The following SSH2 variants were observed in gnomAD, a reference collection of about 807,000 sequenced individuals.
The protein encoded by SSH2 is slingshot protein phosphatase 2.
In SSH2, 37 loss-of-function variants were observed where a neutral mutation model predicts 135.2. The ratio of observed to expected loss-of-function variants is 0.27; its 90% confidence interval spans 0.21 to 0.36. SSH2 has a LOEUF of 0.36. SSH2 is among the 10% of genes least tolerant of loss of function. The pLI is 1.00. For missense variants in SSH2, 1,408 were observed against 1,765.3 expected (o/e 0.80, Z 3.63); for synonymous variants, 628 against 646.2 (o/e 0.97, Z 0.43).
At chr17:29,875,671 C>T (rs2151425767) in intron 1 of SSH2, among the ~76,000 whole-genome samples, 1 of 152,238 alleles carries the variant, frequency 6.6e-6, no homozygotes, top group Admixed American at 6.5e-5. Flanking sequence ...CTCATTCAGC[C>T]CCACTACATT....
intron 3 of SSH2, among the ~76,000 whole-genome samples, chr17:29,729,315 A>T (rs1445960728): frequency 6.6e-6 from 1 of 152,216 alleles, no homozygotes; most frequent in Admixed American, 6.5e-5. Context: ...TCATCAGAGA[A>T]ATGCAAACCA....
At chr17:29,683,329 G>A (rs946153031) in intron 6 of SSH2, among the ~76,000 whole-genome samples, 2 of 152,106 alleles carry the variant, frequency 1.3e-5, no homozygotes, top group Non-Finnish European at 2.9e-5. Flanking sequence ...AAACCTTAAG[G>A]ACACACGAAA....
At chr17:29,633,060 C>T (rs2035755535) in intron 15 of SSH2, 129 bp from the exon 16 acceptor site, 2 of 801,406 alleles carry the variant, frequency 2.5e-6, no homozygotes, top group Non-Finnish European at 3.9e-6. Flanking sequence ...CATGGAGTGC[C>T]TGGGACCACA....
intron 1 of SSH2, chr17:29,864,059 T>C (rs2065810872): frequency 6.6e-6 from 1 of 152,180 alleles, no homozygotes; most frequent in Non-Finnish European, 1.5e-5. Context: ...ACCCCTGCAC[T>C]TTGGGAGGCC....
intron 3 of SSH2, among the ~76,000 whole-genome samples, chr17:29,721,234 A>C (rs1171739206): frequency 6.6e-6 from 1 of 152,202 alleles, no homozygotes; most frequent in Non-Finnish European, 1.5e-5. Flanking sequence ...AAATGATCCA[A>C]GAGTAAATTT....
At chr17:29,862,032 G>C (rs577962107) in intron 1 of SSH2, among the ~76,000 whole-genome samples, 1 of 152,334 alleles carries the variant, frequency 6.6e-6, no homozygotes, top group Admixed American at 6.5e-5. Flanking sequence ...CAGAATGTTT[G>C]AAATAGCTTT....
intron 3 of SSH2, among the ~76,000 whole-genome samples, chr17:29,768,805 A>C (rs1003230878): frequency 3.9e-5 from 6 of 152,134 alleles, no homozygotes; most frequent in African/African-American, 1.4e-4. Flanking sequence ...AGATAGAAAA[A>C]TGGGAAGTGA....
At chr17:29,835,772 C>T (rs1481026262) in intron 2 of SSH2, among the ~76,000 whole-genome samples, 1 of 151,932 alleles carries the variant, frequency 6.6e-6, no homozygotes, top group Non-Finnish European at 1.5e-5. Context: ...GTCCCTGCTG[C>T]CTCCTGGGCT....
chr17:29,676,665 A>C (rs2037735111), intron 8 of SSH2, 155 bp downstream of exon 8: 3 of 598,768 alleles, frequency 5.0e-6, no homozygotes, highest in Non-Finnish European at 8.7e-6. Flanking sequence ...CAACAATTTG[A>C]ATATTGCATT....
At chr17:29,741,494 A>C (rs2040551633) in intron 3 of SSH2, among the ~76,000 whole-genome samples, 2 of 152,338 alleles carry the variant, frequency 1.3e-5, no homozygotes, top group Non-Finnish European at 2.9e-5. Context: ...TGGAAAACAA[A>C]CAACCAGTTA....
intron 1 of SSH2, among the ~76,000 whole-genome samples, chr17:29,924,706 CT>C (rs2067034879): frequency 6.6e-6 from 1 of 152,024 alleles, no homozygotes; most frequent in South Asian, 2.1e-4. Context: ...GGGAACCTGC[CT>C]TTAGCAGCAC....
intron 2 of SSH2, among the ~76,000 whole-genome samples, chr17:29,835,005 C>T (rs1364034615): frequency 6.6e-6 from 1 of 152,154 alleles, no homozygotes; most frequent in Non-Finnish European, 1.5e-5. Context: ...AGCATTTGAT[C>T]ATTATTATAA....
intron 3 of SSH2, among the ~76,000 whole-genome samples, chr17:29,715,931 C>G (rs1323050791): frequency 1.3e-5 from 2 of 152,152 alleles, no homozygotes; most frequent in Non-Finnish European, 2.9e-5. Flanking sequence ...TATTCCAAAC[C>G]CTCTCTACTC....
rs749746815 is a variant in SSH2, at chr17:29,631,832, G to A, written c.3362C>T (p.Thr1121Ile). The stretch of plus-strand genomic sequence containing the variant: ...GTCTTCAGGGCTACTCAGGATGGAG[G>A]TTGGATGGTCAGTGGGTCTGTTGTG... ...PEHNRPTDHPTSILSSPEDRG... is the reference protein window; with the variant it reads ...PEHNRPTDHPISILSSPEDRG... The change falls in exon 16 of 16, where the codon ACC becomes ATC. Residue 1121 changes from threonine to isoleucine, a missense_variant. By Grantham distance (89) the Thr-to-Ile change is moderately conservative. Around this residue, in one of 3 missense-constraint regions of SSH2, gnomAD observed 1,080 missense variants for 1,144.5 expected, o/e 0.94. Coordinates refer to ENST00000540801, the MANE Select transcript of SSH2 (RefSeq NM_001282129.2). The A allele has an allele frequency of 6.2e-7, 1 of 1,614,234 alleles. No homozygotes were observed. Among genetic ancestry groups the A allele is most frequent in the Non-Finnish European group, 8.5e-7 (1 of 1,180,044 alleles).
chr17:29,660,471 T>C (rs1455855960), intron 11 of SSH2, among the ~76,000 whole-genome samples: 1 of 151,906 alleles, frequency 6.6e-6, no homozygotes, highest in Admixed American at 6.6e-5. Flanking sequence ...TTCACCATGT[T>C]GGCTAGGATG....
chr17:29,752,232 ATAGT>A (rs1181640674), intron 3 of SSH2, among the ~76,000 whole-genome samples: 8 of 152,296 alleles, frequency 5.3e-5, no homozygotes, highest in South Asian at 2.1e-4. Flanking sequence ...TAAAATAAAA[ATAGT>A]TAGGACACTG....
At chr17:29,839,581 T>A (rs906972632) in intron 2 of SSH2, among the ~76,000 whole-genome samples, 2 of 152,214 alleles carry the variant, frequency 1.3e-5, no homozygotes, top group African/African-American at 4.8e-5. Flanking sequence ...TTCTGAGAAT[T>A]GTGATTTTCA....
At chr17:29,655,883 C>A (rs2036759979) in intron 11 of SSH2, among the ~76,000 whole-genome samples, 1 of 152,162 alleles carries the variant, frequency 6.6e-6, no homozygotes, top group Non-Finnish European at 1.5e-5. Context: ...GTGTCTTTAA[C>A]CATCATCCAA....
intron 3 of SSH2, among the ~76,000 whole-genome samples, chr17:29,720,990 A>T: frequency 6.6e-6 from 1 of 152,218 alleles, no homozygotes; most frequent in East Asian, 1.9e-4. Flanking sequence ...GGTTTCTTGC[A>T]AATTTAATTT....
Sources: allele counts gnomAD v4.1 joint callset (sites outside exome capture counted in the v4.1 genomes callset), GRCh38; gene constraint gnomAD v4.1.1; regional missense constraint gnomAD v4.1.1; transcripts MANE v1.5; gene names NCBI Gene and HGNC (gene_info 2026-07-23, HGNC 2026-07-21).